Variants in JADE2 observed in about 807,000 individuals in gnomAD.
JADE2 encodes the protein E3 ubiquitin-protein ligase Jade-2.
JADE2 carries 13 observed loss-of-function variants against 85.7 expected under a neutral mutation model. That is an observed-to-expected ratio of 0.15 (90% CI 0.10 to 0.24). The LOEUF is 0.24. JADE2 is among the 10% of genes least tolerant of loss of function. JADE2 has a pLI of 1.00. For synonymous variants in JADE2, 440 were observed against 456.1 expected (o/e 0.96, Z 0.45); for missense variants, 846 against 1,115.9 (o/e 0.76, Z 3.45).
Position 134,562,229 on chromosome 5 carries a change from G to A in JADE2, c.714G>A (p.Thr238=), listed in dbSNP as rs200918265. 1.1e-5 allele frequency: 17 copies of A among 1,613,442 alleles called. No individual in the cohort carries two copies. The highest frequency in any genetic ancestry group is 2.2e-5 in the East Asian group (1 of 44,874). The change falls in exon 7 of 12, where the codon ACG becomes ACA. Residue 238 remains threonine (T), a synonymous_variant. Transcript: ENST00000681547. The surrounding 1 kb of genome is among the most constrained non-coding windows in gnomAD (Gnocchi z 4.6). ...GCTACGGGATCCTCAAGGTGCCCAC[G>A]GGCAGCTGGCTGTGCCGGACGTGTG... ...QACYGILKVP[T]GSWLCRTCAL...
chr5:134,544,713 C>T (rs933841140), intron 3 of JADE2, among the ~76,000 whole-genome samples: 5 of 152,084 alleles, frequency 3.3e-5, no homozygotes, highest in Admixed American at 3.3e-4. Context: ...AGCACTTAGT[C>T]CCTGGGGAAG....
At position 134,560,967 on chromosome 5, in the gene JADE2, C is replaced by A. The variant is rs35277531; in HGVS notation, c.684+10C>A. On this transcript the variant is annotated intron_variant, in intron 6 of 11. Coordinates refer to ENST00000681547, the MANE Select transcript of JADE2 (RefSeq NM_001388185.1). The stretch of plus-strand genomic sequence containing the variant: ...CGTCTGTGTGCATCAGGTGGGCAGA[C>A]CCCCCAGTCACCCTCACCTGTGCCA... The A allele has an allele frequency of 6.2e-7, 1 of 1,606,288 alleles. No homozygotes were observed. The highest frequency in any genetic ancestry group is 2.2e-5 in the East Asian group (1 of 44,776).
chr5:134,552,364 C>T (rs1762644223), intron 4 of JADE2, among the ~76,000 whole-genome samples, 155 bp downstream of exon 4: 1 of 152,202 alleles, frequency 6.6e-6, no homozygotes, highest in Non-Finnish European at 1.5e-5. Context: ...TGAAATGTTC[C>T]AGAAATACTG....
intron 1 of JADE2, among the ~76,000 whole-genome samples, chr5:134,527,436 C>T (rs1293800228): frequency 6.6e-6 from 1 of 152,206 alleles, no homozygotes; most frequent in South Asian, 2.1e-4. Context: ...AGGAAGGCTT[C>T]ACTCTAGCTT....
At chr5:134,567,142 C>T (rs1561757422) in intron 9 of JADE2, among the ~76,000 whole-genome samples, 1 of 152,020 alleles carries the variant, frequency 6.6e-6, no homozygotes, top group Non-Finnish European at 1.5e-5. Flanking sequence ...AACAGAGGCA[C>T]GAAGGAGACA....
At chr5:134,543,834 G>C (rs1375197743) in intron 3 of JADE2, among the ~76,000 whole-genome samples, 1 of 152,218 alleles carries the variant, frequency 6.6e-6, no homozygotes, top group Admixed American at 6.5e-5. Context: ...GGTTGAAGGA[G>C]AGGGAGGGAG....
intron 4 of JADE2, among the ~76,000 whole-genome samples, chr5:134,557,391 T>TTA (rs60959449): frequency 7.3e-5 from 10 of 137,304 alleles, no homozygotes; most frequent in Non-Finnish European, 1.1e-4. Context: ...TTTTTTTTTT[T>TTA]AATTATACTC....
intron 3 of JADE2, among the ~76,000 whole-genome samples, chr5:134,551,399 T>G (rs1175711871): frequency 2.0e-5 from 3 of 152,218 alleles, no homozygotes; most frequent in East Asian, 3.9e-4. Context: ...CAGCTACTTT[T>G]TAAATTTTTT....
chr5:134,549,579 C>T (rs989590153), intron 3 of JADE2, among the ~76,000 whole-genome samples: 2 of 152,094 alleles, frequency 1.3e-5, no homozygotes, highest in Admixed American at 1.3e-4. Context: ...ATCGTTTGAA[C>T]CCAGGAGGCA....
intron 1 of JADE2, chr5:134,526,795 T>G: frequency 1.0e-6 from 1 of 979,610 alleles, no homozygotes; most frequent in Non-Finnish European, 1.2e-6. Flanking sequence ...GCGCCAGGGG[T>G]GAGGACTGGG....
chr5:134,526,165 C>CGCGGAGAGG, intron 1 of JADE2, 154 bp downstream of exon 1: 1 of 985,392 alleles, frequency 1.0e-6, no homozygotes, highest in Non-Finnish European at 1.2e-6. Flanking sequence ...AGGAAGCCAG[C>CGCGGAGAGG]GCGGAGAGGG....
intron 2 of JADE2, among the ~76,000 whole-genome samples, chr5:134,537,759 T>G (rs1340969563): frequency 6.6e-6 from 1 of 152,162 alleles, no homozygotes; most frequent in Non-Finnish European, 1.5e-5. Context: ...TGAGCCCCAG[T>G]AACAGCCTTT....
intron 1 of JADE2, among the ~76,000 whole-genome samples, chr5:134,531,450 A>G (rs957673261): frequency 3.3e-5 from 5 of 151,884 alleles, no homozygotes. Flanking sequence ...ATTTTGTTCT[A>G]ATTTTTTTTA....
chr5:134,564,559 C>G lies in JADE2; in HGVS notation c.918C>G (p.Arg306=). 6.4e-7 allele frequency: 1 copy of G among 1,572,244 alleles called. No homozygotes were observed. Among genetic ancestry groups the G allele is most frequent in the East Asian group, 2.3e-5 (1 of 42,942 alleles). Residue 306 remains arginine (R), a synonymous_variant, in exon 8 of 12, where the codon CGC becomes CGG. Coordinates refer to ENST00000681547, the MANE Select transcript of JADE2 (RefSeq NM_001388185.1). ...AGATCTCGCATATCCCAGCCAGCCG[C>G]TGGGCTCTGTCCTGCAGCCTCTGCA... is the stretch of plus-strand genomic sequence containing the variant. ...ITKISHIPAS[R]WALSCSLCKE...
upstream of JADE2, chr5:134,525,614 C>CCCCCCAA: frequency 1.6e-6 from 1 of 624,338 alleles, no homozygotes; most frequent in Non-Finnish European, 2.3e-6. Flanking sequence ...ACCCCCACCC[C>CCCCCCAA]AACACATTTT....
intron 9 of JADE2, among the ~76,000 whole-genome samples, chr5:134,571,171 G>C (rs1222301189): frequency 6.6e-6 from 1 of 152,230 alleles, no homozygotes; most frequent in African/African-American, 2.4e-5. Context: ...CAGGTCACAT[G>C]GCCTTCTCCC....
intron 2 of JADE2, 53 bp from the exon 3 acceptor site, chr5:134,537,935 TG>T: frequency 7.6e-7 from 1 of 1,308,480 alleles, no homozygotes; most frequent in South Asian, 1.2e-5. Flanking sequence ...TGGGCATGAG[TG>T]GGTGGTGCTC....
intron 1 of JADE2, among the ~76,000 whole-genome samples, chr5:134,533,328 G>A (rs1383018268): frequency 6.6e-6 from 1 of 152,108 alleles, no homozygotes; most frequent in African/African-American, 2.4e-5. Flanking sequence ...GTTTAGTTTG[G>A]CCCTTTCAAA....
intron 4 of JADE2, among the ~76,000 whole-genome samples, chr5:134,555,639 G>A (rs924281811): frequency 4.6e-5 from 7 of 152,266 alleles, no homozygotes; most frequent in Non-Finnish European, 1.0e-4. Context: ...GCAGATGTGG[G>A]TAGTTATGCC....
Sources: gnomAD v4.1 joint callset for allele counts (sites outside exome capture counted in the v4.1 genomes callset) on GRCh38, gnomAD v4.1.1 for gene constraint, Gnocchi (gnomAD v3.1) non-coding constraint, MANE v1.5 for transcripts, NCBI Gene and HGNC (gene_info 2026-07-23, HGNC 2026-07-21) for gene names.